SRPK1: variants seen among roughly 807,000 people sequenced by gnomAD.
SRPK1 encodes SFRS protein kinase 1.
SRPK1 carries 52 observed loss-of-function variants against 89.5 expected under a neutral mutation model. That is an observed-to-expected ratio of 0.58 (90% CI 0.46 to 0.73). SRPK1 has a LOEUF of 0.73. SRPK1 is among the 30% of genes least tolerant of loss of function. SRPK1 has a pLI of 0.00. For missense variants in SRPK1, 603 were observed against 780.6 expected (o/e 0.77, Z 2.71); for synonymous variants, 255 against 270.2 (o/e 0.94, Z 0.55).
chr6:35,920,394 C>G, intron 2 of SRPK1, 74 bp downstream of exon 2: 3 of 1,561,890 alleles, frequency 1.9e-6, no homozygotes, highest in South Asian at 2.2e-5. Context: ...GGTGCACGTT[C>G]AAGACGTGAA....
chr6:35,883,526 G>A (rs1179708597), intron 6 of SRPK1, among the ~76,000 whole-genome samples: 8 of 152,004 alleles, frequency 5.3e-5, no homozygotes, highest in Admixed American at 2.6e-4. Context: ...GCTTCCATCT[G>A]CTTAATTTTT....
At chr6:35,864,721 A>G (rs1008653799) in intron 12 of SRPK1, among the ~76,000 whole-genome samples, 1 of 152,220 alleles carries the variant, frequency 6.6e-6, no homozygotes, top group African/African-American at 2.4e-5. Flanking sequence ...ATCTGTATAT[A>G]AAAAAGATGT....
At position 35,833,442 on chromosome 6, in the gene SRPK1, T is replaced by A. The variant is rs894804742; in HGVS notation, c.*1862A>T. The A allele has an allele frequency of 2.0e-5, 3 of 152,508 alleles. No homozygotes were observed. The highest frequency in any genetic ancestry group is 4.4e-5 in the Non-Finnish European group (3 of 68,044). The allele number at this position is 152,508 out of a possible 1,614,324, so 9.4% of individuals were successfully genotyped here. ...TGTAATTCCACAATTGTGATTTTAC[T>A]ATGTAGAAGATAATTCAGTTCTAGT... On this transcript the variant is annotated 3_prime_UTR_variant, in exon 16 of 16. Transcript: ENST00000373825.
chr6:35,854,414 T>C (rs538100452), intron 13 of SRPK1, among the ~76,000 whole-genome samples: 54 of 152,236 alleles, frequency 3.5e-4, no homozygotes, highest in Non-Finnish European at 5.9e-4. Context: ...GCACTTCCGA[T>C]ATTCCAGAAT....
At position 35,872,732 on chromosome 6, in the gene SRPK1, A is replaced by C; in HGVS notation, c.586-4T>G. On this transcript the variant is annotated splice_region_variant and splice_polypyrimidine_tract_variant and intron_variant, in intron 7 of 15. Coordinates refer to ENST00000373825, the MANE Select transcript of SRPK1 (RefSeq NM_003137.5). Reference sequence around the variant, plus strand: ...AATAATCAAGACCCTGTAACACCTGAATGGAAATAGAGTGGCAGACTTGCA... The same window carrying C: ...AATAATCAAGACCCTGTAACACCTGCATGGAAATAGAGTGGCAGACTTGCA... 1 of 1,597,090 alleles carries C rather than the reference A, an allele frequency of 6.3e-7. No individual in the cohort carries two copies. The highest frequency in any genetic ancestry group is 8.5e-7 in the Non-Finnish European group (1 of 1,172,932).
rs539241103 is a variant in SRPK1 at position 35,845,533 on chromosome 6, A to G, written c.1621-2929T>C. Among the ~76,000 whole-genome samples the G allele has an allele frequency of 9.8e-5, 15 of 152,358 alleles. No individual in the cohort carries two copies. The South Asian group carries it at 3.1e-3, about 32-fold the overall frequency. ...TTAGAAGATAGCATGAAATGCATGGAAAAGTTAAAACAATGACAATTTAAA... is the reference window on the plus strand; with the variant it reads ...TTAGAAGATAGCATGAAATGCATGGGAAAGTTAAAACAATGACAATTTAAA... On this transcript the variant is annotated intron_variant, in intron 13 of 15. Coordinates refer to ENST00000373825, the MANE Select transcript of SRPK1 (RefSeq NM_003137.5).
At chr6:35,857,717 C>T (rs1427230442) in intron 12 of SRPK1, among the ~76,000 whole-genome samples, 1 of 152,200 alleles carries the variant, frequency 6.6e-6, no homozygotes, top group Non-Finnish European at 1.5e-5. Context: ...ATCCACCCAC[C>T]TTGGCCTCCC....
intron 13 of SRPK1, among the ~76,000 whole-genome samples, chr6:35,843,076 C>T (rs923053377): frequency 1.3e-5 from 2 of 151,176 alleles, no homozygotes; most frequent in African/African-American, 2.4e-5. Context: ...TCACACCATT[C>T]TCCTGCCTCA....
chr6:35,891,075 T>C, intron 2 of SRPK1, 62 bp from the exon 3 acceptor site: 1 of 1,499,298 alleles, frequency 6.7e-7, no homozygotes, highest in South Asian at 1.3e-5. Flanking sequence ...CATTATCAAA[T>C]GCTGCCCTCC....
intron 6 of SRPK1, among the ~76,000 whole-genome samples, 187 bp downstream of exon 6, chr6:35,886,537 T>C (rs1192868492): frequency 6.6e-6 from 1 of 152,238 alleles, no homozygotes; most frequent in African/African-American, 2.4e-5. Context: ...CTTAAAGCAA[T>C]ATTCTGAAAA....
At chr6:35,868,086 C>T (rs1344963185) in intron 12 of SRPK1, among the ~76,000 whole-genome samples, 6 of 152,006 alleles carry the variant, frequency 3.9e-5, no homozygotes, top group Admixed American at 6.6e-5. Flanking sequence ...GATTCTCCTG[C>T]CTCAGCCTCC....
chr6:35,879,848 G>T (rs190414906), intron 6 of SRPK1, among the ~76,000 whole-genome samples: 2 of 152,198 alleles, frequency 1.3e-5, no homozygotes, highest in Admixed American at 6.5e-5. Flanking sequence ...AAGGCAGGAG[G>T]ACTGCTTGAA....
intron 2 of SRPK1, among the ~76,000 whole-genome samples, chr6:35,913,448 C>A (rs996896845): frequency 3.9e-5 from 6 of 151,948 alleles, no homozygotes; most frequent in African/African-American, 1.5e-4. Flanking sequence ...GAGCCGAGAT[C>A]GCGCCACTAC....
chr6:35,870,943 C>T lies in SRPK1; in HGVS notation c.768G>A (p.Gln256=). The T allele has an allele frequency of 6.2e-7, 1 of 1,608,848 alleles. No individual in the cohort carries two copies. The part of the protein sequence containing the change: ...PSGSAVSTAP[Q]PKPADKMSKN... The stretch of plus-strand genomic sequence containing the variant: ...AACACCTTATACTTACTGGTTTAGG[C>T]TGGGGAGCAGTACTGACTGAAAAGA... Residue 256 remains glutamine, a synonymous_variant, in exon 9 of 16, where the codon CAG becomes CAA. Coordinates refer to ENST00000373825, the MANE Select transcript of SRPK1 (RefSeq NM_003137.5).
At chr6:35,841,733 G>A (rs909743586) in intron 14 of SRPK1, among the ~76,000 whole-genome samples, 2 of 150,668 alleles carry the variant, frequency 1.3e-5, no homozygotes, top group Admixed American at 6.7e-5. Context: ...TCGAGAGGCC[G>A]AGGCAGGAGA....
rs1276552804 is a variant in SRPK1, at chr6:35,875,258, T to G, written c.479-919A>C. ...CACCAGCCAACATGGAGACTTCTTT[T>G]TTTTTTTTTTTTTTGAGACAGAGTC... On this transcript the variant is annotated intron_variant, in intron 6 of 15. Transcript: ENST00000373825. Among the ~76,000 whole-genome samples, 306 of 150,644 alleles carry G rather than the reference T, an allele frequency of 2.0e-3. 1 individual carries two copies. The highest frequency in any genetic ancestry group is 6.3e-3 in the African/African-American group (262 of 41,288).
chr6:35,842,409 C>G, intron 14 of SRPK1, 126 bp downstream of exon 14: 1 of 567,206 alleles, frequency 1.8e-6, no homozygotes, highest in Non-Finnish European at 2.8e-6. Flanking sequence ...ATATTTCTAA[C>G]TTTTCTGGGA....
chr6:35,855,893 T>C (rs1483491706), intron 13 of SRPK1, among the ~76,000 whole-genome samples: 4 of 152,112 alleles, frequency 2.6e-5, no homozygotes, highest in Non-Finnish European at 5.9e-5. Context: ...CACCACCACG[T>C]CTGGCTAATT....
At chr6:35,848,107 T>C (rs1043400058) in intron 13 of SRPK1, among the ~76,000 whole-genome samples, 1 of 152,186 alleles carries the variant, frequency 6.6e-6, no homozygotes, top group Non-Finnish European at 1.5e-5. Context: ...GGCCTTACTA[T>C]TGTTAAAATG....
Sources: gnomAD v4.1 joint callset for allele counts (sites outside exome capture counted in the v4.1 genomes callset) on GRCh38, gnomAD v4.1.1 for gene constraint, MANE v1.5 for transcripts, NCBI Gene and HGNC (gene_info 2026-07-23, HGNC 2026-07-21) for gene names.